The following NPAS3 variants were observed in gnomAD, a reference collection of about 807,000 sequenced individuals.
NPAS3 encodes the protein neuronal PAS domain protein 3.
NPAS3 carries 14 observed loss-of-function variants against 73.1 expected under a neutral mutation model. That is an observed-to-expected ratio of 0.19 (90% CI 0.13 to 0.30). NPAS3 has a LOEUF of 0.30. Ranked by LOEUF, NPAS3 falls within the 10% of genes least tolerant of loss-of-function variation. The pLI, the probability that NPAS3 is intolerant of heterozygous loss-of-function variation, is 1.00. For synonymous variants in NPAS3, 620 were observed against 541.5 expected (o/e 1.14, Z -2.01); for missense variants, 1,096 against 1,250.0 (o/e 0.88, Z 1.86).
intron 6 of NPAS3, among the ~76,000 whole-genome samples, chr14:33,711,948 G>A (rs962808645): frequency 2.0e-5 from 3 of 152,152 alleles, no homozygotes; most frequent in East Asian, 1.9e-4. Context: ...CCGTTGGGCA[G>A]AGACTCAGCT....
At chr14:32,986,287 ATTCATTAT>A (rs2038094637) in intron 1 of NPAS3, among the ~76,000 whole-genome samples, 2 of 152,330 alleles carry the variant, frequency 1.3e-5, no homozygotes, top group South Asian at 4.1e-4. Context: ...TTCTCATGTC[ATTCATTAT>A]GATTCAGCGT....
intron 4 of NPAS3, among the ~76,000 whole-genome samples, chr14:33,504,418 G>A (rs935742188): frequency 6.6e-6 from 1 of 151,990 alleles, no homozygotes. Context: ...TTTAAGAAAT[G>A]TGATTCCCAA....
intron 4 of NPAS3, among the ~76,000 whole-genome samples, chr14:33,482,735 G>A (rs1340110376): frequency 3.3e-5 from 5 of 151,812 alleles, no homozygotes; most frequent in South Asian, 2.1e-4. Flanking sequence ...CTCCCTGCCC[G>A]TCCTTCTTTG....
chr14:33,438,795 A>C (rs1395123829), intron 4 of NPAS3, among the ~76,000 whole-genome samples: 4 of 152,134 alleles, frequency 2.6e-5, no homozygotes, highest in Admixed American at 1.3e-4. Flanking sequence ...AATACGTAAA[A>C]ATTTTCCACG....
At chr14:33,198,727 C>T (rs928368891) in intron 2 of NPAS3, among the ~76,000 whole-genome samples, 34 of 152,328 alleles carry the variant, frequency 2.2e-4, no homozygotes, top group African/African-American at 7.5e-4. Context: ...GCCAGCCCTG[C>T]GCCATTCGCC....
intron 3 of NPAS3, among the ~76,000 whole-genome samples, chr14:33,238,259 T>C (rs2048105194): frequency 6.6e-6 from 1 of 151,996 alleles, no homozygotes; most frequent in South Asian, 2.1e-4. Flanking sequence ...AATCTTCAAA[T>C]AGGAAGTACT....
intron 1 of NPAS3, among the ~76,000 whole-genome samples, chr14:32,955,307 A>T (rs1333826090): frequency 1.3e-5 from 2 of 152,164 alleles, no homozygotes; most frequent in African/African-American, 4.8e-5. Context: ...AAGTAGTGAG[A>T]TCACACAGAC....
chr14:33,446,465 G>A (rs868141190), intron 4 of NPAS3, among the ~76,000 whole-genome samples: 16 of 152,182 alleles, frequency 1.1e-4, no homozygotes, highest in African/African-American at 2.2e-4. Flanking sequence ...GTGAGCCACC[G>A]CGCCCGGCCA....
chr14:33,254,720 G>A (rs1219597304), intron 3 of NPAS3, among the ~76,000 whole-genome samples: 3 of 152,034 alleles, frequency 2.0e-5, no homozygotes, highest in African/African-American at 7.2e-5. Context: ...CAAACATTGG[G>A]GAAAAAGCAA....
chr14:33,024,492 A>G lies in NPAS3; in HGVS notation c.51-31413A>G, dbSNP rs573692677. Among the ~76,000 whole-genome samples, 6 of 152,168 alleles carry G rather than the reference A, an allele frequency of 3.9e-5. No individual in the cohort carries two copies. In the East Asian group the frequency reaches 9.7e-4, roughly 25 times the overall value. On this transcript the variant is annotated intron_variant, in intron 1 of 11. Transcript: ENST00000356141. ...GCCTCCCAAGTAATATATTTAAATCATCACATGTCTCCATGTCTCTAGTGG... is the reference window on the plus strand; with the variant it reads ...GCCTCCCAAGTAATATATTTAAATCGTCACATGTCTCCATGTCTCTAGTGG...
At chr14:33,246,839 C>CAAAAAAAAAAAAAAAAAAAAAA (rs571439161) in intron 3 of NPAS3, among the ~76,000 whole-genome samples, 1 of 61,954 alleles carries the variant, frequency 1.6e-5, no homozygotes, top group African/African-American at 7.8e-5. Flanking sequence ...ATTAAAAATA[C>CAAAAAAAAAAAAAAAAAAAAAA]AAAAAAAAAA....
chr14:33,582,546 A>G (rs988890284), intron 5 of NPAS3, among the ~76,000 whole-genome samples: 3 of 152,164 alleles, frequency 2.0e-5, no homozygotes, highest in African/African-American at 7.2e-5. Context: ...GTTTTATGTT[A>G]ATCCTGGAAA....
intron 9 of NPAS3, 84 bp from the exon 10 acceptor site, chr14:33,793,813 A>G: frequency 7.4e-7 from 1 of 1,360,328 alleles, no homozygotes; most frequent in East Asian, 2.4e-5. Context: ...TTTTAGGCTT[A>G]AGGTTTTGCA....
intron 7 of NPAS3, among the ~76,000 whole-genome samples, chr14:33,749,525 T>A (rs1427504979): frequency 6.6e-6 from 1 of 152,168 alleles, no homozygotes; most frequent in African/African-American, 2.4e-5. Flanking sequence ...TGTAAAATAT[T>A]CTTGAATGTT....
At chr14:33,016,546 C>T (rs1281242393) in intron 1 of NPAS3, among the ~76,000 whole-genome samples, 2 of 142,818 alleles carry the variant, frequency 1.4e-5, no homozygotes, top group Admixed American at 7.2e-5. Context: ...CACCAGTTTT[C>T]AGAGTACACA....
intron 6 of NPAS3, among the ~76,000 whole-genome samples, chr14:33,732,839 G>C (rs186115888): frequency 2.0e-5 from 3 of 150,154 alleles, no homozygotes; most frequent in African/African-American, 5.1e-5. Flanking sequence ...TTCAGGGCAC[G>C]ATGCCGTGAT....
intron 2 of NPAS3, among the ~76,000 whole-genome samples, chr14:33,139,135 C>T (rs1003615274): frequency 6.6e-6 from 1 of 152,132 alleles, no homozygotes; most frequent in Non-Finnish European, 1.5e-5. Flanking sequence ...CTGTTTAGTA[C>T]ATCAGAACAG....
chr14:33,233,157 A>G (rs530535870), intron 3 of NPAS3, among the ~76,000 whole-genome samples: 7 of 152,272 alleles, frequency 4.6e-5, no homozygotes, highest in African/African-American at 1.7e-4. Context: ...GAATGAATCT[A>G]CCTCAAGGAC....
At chr14:33,533,445 A>T (rs895766175) in intron 4 of NPAS3, among the ~76,000 whole-genome samples, 2 of 152,172 alleles carry the variant, frequency 1.3e-5, no homozygotes, top group African/African-American at 4.8e-5. Flanking sequence ...CAGATTGGCC[A>T]AGTTCGAAAA....
Sources: allele counts gnomAD v4.1 joint callset (sites outside exome capture counted in the v4.1 genomes callset), GRCh38; gene constraint gnomAD v4.1.1; transcripts MANE v1.5; gene names NCBI Gene and HGNC (gene_info 2026-07-23, HGNC 2026-07-21).